RB1: variants seen among roughly 807,000 people sequenced by gnomAD.
The protein encoded by RB1 is RB transcriptional corepressor 1.
A neutral mutation model predicts 135.4 loss-of-function variants in RB1; 18 were observed. The ratio of observed to expected loss-of-function variants is 0.13; its 90% confidence interval spans 0.09 to 0.20. The LOEUF is 0.20. Ranked by LOEUF, RB1 falls within the 10% of genes least tolerant of loss-of-function variation. RB1 has a pLI of 1.00. For synonymous variants in RB1, 365 were observed against 373.2 expected (o/e 0.98, Z 0.25); for missense variants, 868 against 1,110.0 (o/e 0.78, Z 3.10).
chr13:48,352,033 C>T (rs537532936), intron 6 of RB1, among the ~76,000 whole-genome samples: 1 of 152,186 alleles, frequency 6.6e-6, no homozygotes, highest in South Asian at 2.1e-4. Context: ...ATGGGTCCAG[C>T]TTCAATCTTC....
intron 16 of RB1, 97 bp from the exon 17 acceptor site, chr13:48,381,150 T>G (rs1175080584): frequency 2.3e-5 from 34 of 1,468,514 alleles, no homozygotes; most frequent in Non-Finnish European, 3.0e-5. Flanking sequence ...TGGTTTAACC[T>G]TTCTACTGTT....
chr13:48,472,849 T>C (rs1949480454), intron 23 of RB1, among the ~76,000 whole-genome samples: 2 of 152,166 alleles, frequency 1.3e-5, no homozygotes, highest in Admixed American at 6.5e-5. Context: ...TCAGCTTTAT[T>C]ATAAAGAACA....
rs913654931 is a variant in RB1 at position 48,453,046 on chromosome 13, T to G, written c.1749T>G (p.Thr583=). ...IKQSKDREGP[T]DHLESACPLN... is the part of the protein sequence containing the mutation. ...AATCAAAGGACCGAGAAGGACCAAC[T>G]GATCACCTTGAATCTGCTTGTCCTC... Residue 583 remains threonine (T), a synonymous_variant, in exon 18 of 27, where the codon ACT becomes ACG. Coordinates refer to ENST00000267163, the MANE Select transcript of RB1 (RefSeq NM_000321.3). 3 of 1,613,202 alleles carry G rather than the reference T, an allele frequency of 1.9e-6. No homozygotes were observed. The highest frequency in any genetic ancestry group is 2.5e-6 in the Non-Finnish European group (3 of 1,179,692).
chr13:48,430,439 G>A lies in RB1; in HGVS notation c.1696-22554G>A, dbSNP rs1012058256. Reference sequence around the variant, plus strand: ...ATAAGTTCTGGAAAAAAATGAGCACGTTAGAAAAATAACAGTAGAGGCCAG... The same window carrying A: ...ATAAGTTCTGGAAAAAAATGAGCACATTAGAAAAATAACAGTAGAGGCCAG... On this transcript the variant is annotated intron_variant, in intron 17 of 26. Coordinates refer to ENST00000267163, the MANE Select transcript of RB1 (RefSeq NM_000321.3). 2.6e-5 allele frequency among the ~76,000 whole-genome samples: 4 copies of A among 152,178 alleles called. No homozygotes were observed. In the South Asian group the frequency reaches 8.3e-4, roughly 32 times the overall value.
intron 5 of RB1, 36 bp downstream of exon 5, chr13:48,347,899 A>G (rs750429420): frequency 2.7e-6 from 4 of 1,508,412 alleles, no homozygotes; most frequent in Non-Finnish European, 3.7e-6. Flanking sequence ...TTCACTTAAA[A>G]AAAAAGATTT....
chr13:48,437,139 A>G (rs139276189), intron 17 of RB1, among the ~76,000 whole-genome samples: 148 of 152,326 alleles, frequency 9.7e-4, no homozygotes, highest in Middle Eastern at 3.4e-3. Flanking sequence ...AGTGAAATTT[A>G]TACTAATCTT....
chr13:48,397,671 CT>C (rs1948659418), intron 17 of RB1, among the ~76,000 whole-genome samples: 1 of 151,992 alleles, frequency 6.6e-6, no homozygotes, highest in Non-Finnish European at 1.5e-5. Flanking sequence ...TAAAATATAT[CT>C]TTCAAATTAT....
chr13:48,406,817 G>A (rs1191768678), intron 17 of RB1: 2 of 152,272 alleles, frequency 1.3e-5, no homozygotes. Context: ...TGCTTGAGAG[G>A]CTGAGGTGGG....
intron 2 of RB1, among the ~76,000 whole-genome samples, chr13:48,340,219 G>A (rs1255959593): frequency 6.6e-6 from 1 of 151,900 alleles, no homozygotes; most frequent in African/African-American, 2.4e-5. Flanking sequence ...GCTTGGGTTA[G>A]GCAAAGATTT....
chr13:48,479,673 A>G (rs1432395837), intron 26 of RB1, among the ~76,000 whole-genome samples: 1 of 151,956 alleles, frequency 6.6e-6, no homozygotes, highest in African/African-American at 2.4e-5. Flanking sequence ...TTTAATTGAT[A>G]TATCATAGTT....
At chr13:48,457,053 G>A (rs1221244047) in intron 19 of RB1, among the ~76,000 whole-genome samples, 4 of 152,184 alleles carry the variant, frequency 2.6e-5, no homozygotes, top group African/African-American at 9.7e-5. Context: ...TTTCAGCCTC[G>A]CCATTTGGTG....
chr13:48,330,301 A>G (rs572491911), intron 2 of RB1, among the ~76,000 whole-genome samples: 2 of 152,102 alleles, frequency 1.3e-5, no homozygotes, highest in South Asian at 4.1e-4. Context: ...GCCCAAAGTA[A>G]TAGAAGGAGG....
chr13:48,422,217 G>A (rs1949016913), intron 17 of RB1, among the ~76,000 whole-genome samples: 5 of 152,116 alleles, frequency 3.3e-5, no homozygotes, highest in Admixed American at 2.6e-4. Flanking sequence ...GTCCTTTGCA[G>A]GGACATGGAT....
chr13:48,380,020 C>T, intron 14 of RB1, 33 bp from the exon 15 acceptor site: 1 of 1,028,566 alleles, frequency 9.7e-7, no homozygotes, highest in Non-Finnish European at 1.3e-6. Context: ...AATTAAACAA[C>T]TTCTTTTTTT....
At chr13:48,381,856 C>T (rs1386639710) in intron 17 of RB1, among the ~76,000 whole-genome samples, 1 of 152,098 alleles carries the variant, frequency 6.6e-6, no homozygotes, top group Non-Finnish European at 1.5e-5. Context: ...TCTCCCTACC[C>T]CATGACAGGC....
intron 2 of RB1, among the ~76,000 whole-genome samples, chr13:48,322,307 A>G (rs1417468390): frequency 6.6e-6 from 1 of 152,154 alleles, no homozygotes; most frequent in Non-Finnish European, 1.5e-5. Flanking sequence ...TTCTCTGTTG[A>G]CAGACACATA....
At chr13:48,367,408 A>T (rs1952713721) in intron 9 of RB1, 86 bp from the exon 10 acceptor site, 1 of 1,433,208 alleles carries the variant, frequency 7.0e-7, no homozygotes, top group Non-Finnish European at 9.5e-7. Context: ...ATTATACAAA[A>T]ATTCTTTAAT....
At chr13:48,330,694 C>A (rs926731010) in intron 2 of RB1, among the ~76,000 whole-genome samples, 6 of 152,168 alleles carry the variant, frequency 3.9e-5, no homozygotes, top group African/African-American at 1.4e-4. Context: ...AGCCTCAGGA[C>A]CTGATGGCTT....
At chr13:48,435,738 G>A (rs1192642589) in intron 17 of RB1, among the ~76,000 whole-genome samples, 2 of 152,136 alleles carry the variant, frequency 1.3e-5, no homozygotes, top group African/African-American at 4.8e-5. Context: ...TGAGATTTGG[G>A]TTGAGGTTTT....
Sources: gnomAD v4.1 joint callset for allele counts (sites outside exome capture counted in the v4.1 genomes callset) on GRCh38, gnomAD v4.1.1 for gene constraint, MANE v1.5 for transcripts, NCBI Gene and HGNC (gene_info 2026-07-23, HGNC 2026-07-21) for gene names.